PLCB4: variants seen among roughly 807,000 people sequenced by gnomAD.
The protein encoded by PLCB4 is phospholipase C beta 4.
A neutral mutation model predicts 178.8 loss-of-function variants in PLCB4; 77 were observed. The observed-to-expected ratio is 0.43, with a 90% CI of 0.36 to 0.52. The LOEUF (loss-of-function observed/expected upper bound fraction) is 0.52. Among genes scored for constraint, PLCB4 ranks in the 20% least tolerant of loss-of-function variants. PLCB4 has a pLI of 0.00. For missense variants in PLCB4, 1,024 were observed against 1,453.4 expected, an observed-to-expected ratio of 0.70 and a Z score of 4.80; for synonymous variants, 496 against 490.8, an observed-to-expected ratio of 1.01 and a Z score of -0.14.
chr20:9,368,008 T>C (rs1476789672), intron 9 of PLCB4, among the ~76,000 whole-genome samples: 2 of 152,184 alleles, frequency 1.3e-5, no homozygotes, highest in Admixed American at 1.3e-4. Context: ...GATAACTCTA[T>C]TGGTGAATGA....
chr20:9,136,788 GAAAT>G (rs2092393122), intron 2 of PLCB4, among the ~76,000 whole-genome samples: 1 of 152,124 alleles, frequency 6.6e-6, no homozygotes, highest in South Asian at 2.1e-4. Context: ...ATAGAGCTGA[GAAAT>G]AAATATTGAA....
chr20:9,072,899 G>A (rs2089642267), intron 1 of PLCB4, among the ~76,000 whole-genome samples: 1 of 152,124 alleles, frequency 6.6e-6, no homozygotes, highest in African/African-American at 2.4e-5. Context: ...AGTTGAAATG[G>A]ACATAAATCC....
At chr20:9,428,876 A>G (rs1220069388) in intron 28 of PLCB4, among the ~76,000 whole-genome samples, 3 of 152,196 alleles carry the variant, frequency 2.0e-5, no homozygotes, top group East Asian at 1.9e-4. Context: ...TGAAAAGCCA[A>G]TAAGCATCTG....
In PLCB4 at chr20:9,384,360, G is replaced by A. The variant is rs2068769732; in HGVS notation, c.1013G>A (p.Gly338Asp). 1 of 1,614,056 alleles carries A rather than the reference G, an allele frequency of 6.2e-7. No homozygotes were observed. Among genetic ancestry groups the A allele is most frequent in the African/African-American group, 1.3e-5 (1 of 74,916 alleles). The change falls in exon 14 of 40, where the codon GGC (glycine) becomes GAC (aspartate). Residue 338 changes from glycine (G) to aspartate (D), a missense_variant. Physicochemically the swap from Gly to Asp is moderately conservative, Grantham distance 94 (BLOSUM62 -1). Coordinates refer to ENST00000378473, the MANE Select transcript of PLCB4 (RefSeq NM_001377142.1). ...HNTYLTGRQFGGKSSVEMYRQ... is the reference protein window; with the variant it reads ...HNTYLTGRQFDGKSSVEMYRQ... ...ACTTATCTCACTGGCAGACAGTTCG[G>A]CGGGAAGTCTTCGGTAGAAATGTAC...
In PLCB4 at chr20:9,280,688, C is replaced by T. The variant is rs150846757; in HGVS notation, c.-15-27112C>T. Among the ~76,000 whole-genome samples the T allele has an allele frequency of 7.9e-5, 12 of 151,888 alleles. No individual in the cohort carries two copies. In the South Asian group the frequency reaches 1.7e-3, roughly 21 times the overall value. The stretch of plus-strand genomic sequence containing the variant: ...TGCATCAGCTCTTCTTGTCTTTGGT[C>T]GCGTCTTTTCTTTGTGAAATTTCAC... On this transcript the variant is annotated intron_variant, in intron 3 of 39. Coordinates refer to ENST00000378473, the MANE Select transcript of PLCB4 (RefSeq NM_001377142.1).
intron 2 of PLCB4, among the ~76,000 whole-genome samples, chr20:9,175,398 C>G (rs1382070529): frequency 6.6e-6 from 1 of 152,108 alleles, no homozygotes; most frequent in Non-Finnish European, 1.5e-5. Flanking sequence ...ATTTTCAGTT[C>G]CGATAAACAG....
chr20:9,297,190 T>C (rs1416232241), intron 3 of PLCB4, among the ~76,000 whole-genome samples: 2 of 151,964 alleles, frequency 1.3e-5, no homozygotes, highest in Non-Finnish European at 2.9e-5. Flanking sequence ...ATTTTTTTGC[T>C]AAAGGTTGAT....
chr20:9,297,624 G>T (rs2147806318), intron 3 of PLCB4, among the ~76,000 whole-genome samples: 1 of 152,154 alleles, frequency 6.6e-6, no homozygotes, highest in South Asian at 2.1e-4. Flanking sequence ...CCCCTCAGAG[G>T]ACATCACGTG....
intron 7 of PLCB4, among the ~76,000 whole-genome samples, chr20:9,341,820 T>C (rs2033238627): frequency 6.6e-6 from 1 of 152,160 alleles, no homozygotes; most frequent in Admixed American, 6.5e-5. Flanking sequence ...CCATTGAAAT[T>C]TAAGAGCAGC....
rs377046526 is a variant in PLCB4 at position 9,384,584 on chromosome 20, G to A, written c.1064+173G>A. ...AGAAAAGAAGGACAGTATCTCTTTC[G>A]GAAAAATCTTCAGTCATCCAAAAGA... On this transcript the variant is annotated intron_variant, in intron 14 of 39. Transcript: ENST00000378473. 7.9e-5 allele frequency among the ~76,000 whole-genome samples: 12 copies of A among 152,146 alleles called. No homozygotes were observed. The East Asian group carries it at 9.7e-4, about 12-fold the overall frequency.
At chr20:9,311,314 C>G (rs2094830739) in intron 4 of PLCB4, among the ~76,000 whole-genome samples, 1 of 152,112 alleles carries the variant, frequency 6.6e-6, no homozygotes, top group African/African-American at 2.4e-5. Flanking sequence ...TTCCCTAAAC[C>G]CACTTTAACA....
At chr20:9,374,091 CAT>C (rs1203189135) in intron 12 of PLCB4, among the ~76,000 whole-genome samples, 1 of 152,164 alleles carries the variant, frequency 6.6e-6, no homozygotes, top group African/African-American at 2.4e-5. Context: ...TTTGCCACTT[CAT>C]AGAGACAAAT....
chr20:9,296,470 A>C (rs1197137440), intron 3 of PLCB4, among the ~76,000 whole-genome samples: 1 of 152,182 alleles, frequency 6.6e-6, no homozygotes, highest in African/African-American at 2.4e-5. Flanking sequence ...GGGATCTAGA[A>C]CTAGAAATAC....
At chr20:9,165,750 TA>T (rs2092959220) in intron 2 of PLCB4, among the ~76,000 whole-genome samples, 1 of 151,976 alleles carries the variant, frequency 6.6e-6, no homozygotes, top group African/African-American at 2.4e-5. Context: ...CCAAATTTTT[TA>T]TTGTAACGCT....
chr20:9,112,060 A>G (rs1389565803), intron 2 of PLCB4, among the ~76,000 whole-genome samples: 1 of 152,180 alleles, frequency 6.6e-6, no homozygotes, highest in Non-Finnish European at 1.5e-5. Context: ...TTTATTTTGG[A>G]TAGTCCCTTT....
At chr20:9,448,588 G>T (rs1397881190) in intron 32 of PLCB4, among the ~76,000 whole-genome samples, 1 of 151,510 alleles carries the variant, frequency 6.6e-6, no homozygotes, top group Non-Finnish European at 1.5e-5. Flanking sequence ...CAAATTTGTA[G>T]ACTTTCTTAA....
At chr20:9,151,662 G>A (rs918109111) in intron 2 of PLCB4, among the ~76,000 whole-genome samples, 5 of 151,686 alleles carry the variant, frequency 3.3e-5, no homozygotes, top group Admixed American at 6.6e-5. Flanking sequence ...TTTTCTTCCC[G>A]GTCTTGGATA....
chr20:9,253,835 C>A (rs147009945), intron 3 of PLCB4, among the ~76,000 whole-genome samples: 30 of 152,226 alleles, frequency 2.0e-4, no homozygotes, highest in Middle Eastern at 3.4e-3. Flanking sequence ...AATTTACGTG[C>A]CTCTATTGCC....
At chr20:9,212,244 A>G (rs1224376751) in intron 2 of PLCB4, among the ~76,000 whole-genome samples, 1 of 152,240 alleles carries the variant, frequency 6.6e-6, no homozygotes. Flanking sequence ...GTTGTACTGC[A>G]CAATCTCACT....
Sources: gnomAD v4.1 joint callset for allele counts (sites outside exome capture counted in the v4.1 genomes callset) on GRCh38, gnomAD v4.1.1 for gene constraint, MANE v1.5 for transcripts, NCBI Gene and HGNC (gene_info 2026-07-23, HGNC 2026-07-21) for gene names.